Variants in CMIP observed in about 807,000 individuals in gnomAD.
CMIP encodes the protein c-Maf inducing protein.
A neutral mutation model predicts 97.3 loss-of-function variants in CMIP; 13 were observed. The ratio of observed to expected loss-of-function variants is 0.13; its 90% CI spans 0.09 to 0.21. CMIP has a LOEUF of 0.21. Ranked by LOEUF, CMIP falls within the 10% of genes least tolerant of loss-of-function variation. The pLI is 1.00. For missense variants in CMIP, 847 were observed against 1,024.9 expected (o/e 0.83, Z 2.37); for synonymous variants, 538 against 436.3 (o/e 1.23, Z -2.91).
chr16:81,516,777 G>A (rs1265446113), intron 1 of CMIP, among the ~76,000 whole-genome samples: 1 of 152,238 alleles, frequency 6.6e-6, no homozygotes, highest in Non-Finnish European at 1.5e-5. Context: ...AAGCATCTAG[G>A]CATCTGTCCT....
intron 2 of CMIP, among the ~76,000 whole-genome samples, chr16:81,617,730 C>G (rs1270681029): frequency 6.6e-6 from 1 of 152,218 alleles, no homozygotes; most frequent in African/African-American, 2.4e-5. Context: ...GCTCACCTAG[C>G]TGTGGAATCA....
At chr16:81,522,738 G>A (rs1423618956) in intron 1 of CMIP, among the ~76,000 whole-genome samples, 3 of 152,020 alleles carry the variant, frequency 2.0e-5, no homozygotes, top group Admixed American at 1.3e-4. Context: ...TCTTTGCTTT[G>A]CCTTTTTTTT....
Position 81,468,135 on chromosome 16 carries a change from C to T in CMIP, c.300+22594C>T, listed in dbSNP as rs568681728. ...CTTTGAAATGCACGATCAGGGGCAA[C>T]CTTTTGGGTAGCTTTTTGGAGCCCA... On this transcript the variant is annotated intron_variant, in intron 1 of 20. Coordinates refer to ENST00000537098, the MANE Select transcript of CMIP (RefSeq NM_198390.3). 2.0e-5 allele frequency among the ~76,000 whole-genome samples: 3 copies of T among 152,234 alleles called. No individual in the cohort carries two copies. In the East Asian group the frequency reaches 5.8e-4, roughly 29 times the overall value.
chr16:81,645,397 A>T, intron 3 of CMIP: 1 of 1,468,342 alleles, frequency 6.8e-7, no homozygotes, highest in South Asian at 1.4e-5. Context: ...GCAGCAGCAG[A>T]GCAGCAGAGC....
At chr16:81,569,277 C>G (rs1194430292) in intron 1 of CMIP, among the ~76,000 whole-genome samples, 1 of 152,148 alleles carries the variant, frequency 6.6e-6, no homozygotes, top group Non-Finnish European at 1.5e-5. Context: ...TCTGGGGGTT[C>G]CATTGTTCCA....
intron 1 of CMIP, among the ~76,000 whole-genome samples, chr16:81,467,670 T>G (rs866664635): frequency 6.6e-6 from 1 of 151,460 alleles, no homozygotes; most frequent in Admixed American, 6.6e-5. Flanking sequence ...AACCTCCGCC[T>G]TCCAGGTTCA....
rs958347886 is a variant in CMIP, at chr16:81,449,069, C to T, written c.300+3528C>T. Among the ~76,000 whole-genome samples the T allele has an allele frequency of 4.6e-5, 7 of 152,340 alleles. No homozygotes were observed. The East Asian group carries it at 7.7e-4, about 17-fold the overall frequency. Reference sequence around the variant, plus strand: ...TGATCACCTGCTAGGCATGTTTGTCCGTGGGCAGAGGGCTTTGTCTGTAGG... The same window carrying T: ...TGATCACCTGCTAGGCATGTTTGTCTGTGGGCAGAGGGCTTTGTCTGTAGG... On this transcript the variant is annotated intron_variant, in intron 1 of 20. Transcript: ENST00000537098.
At chr16:81,466,593 T>G (rs1402263618) in intron 1 of CMIP, among the ~76,000 whole-genome samples, 1 of 152,210 alleles carries the variant, frequency 6.6e-6, no homozygotes, top group African/African-American at 2.4e-5. Context: ...CAGGAAGCAC[T>G]TCTTATTGGT....
At chr16:81,687,943 G>T (rs1597251534) in intron 10 of CMIP, among the ~76,000 whole-genome samples, 1 of 152,202 alleles carries the variant, frequency 6.6e-6, no homozygotes, top group African/African-American at 2.4e-5. Flanking sequence ...TCCGTAATTT[G>T]GACTCAGCAC....
intron 6 of CMIP, 131 bp from the exon 7 acceptor site, chr16:81,664,138 G>T (rs2092577865): frequency 4.1e-6 from 3 of 732,092 alleles, no homozygotes; most frequent in Admixed American, 2.9e-5. Context: ...TTAGAAAGCA[G>T]TGCAGCCGTG....
intron 1 of CMIP, among the ~76,000 whole-genome samples, chr16:81,589,232 G>T (rs1385040223): frequency 6.6e-6 from 1 of 152,064 alleles, no homozygotes; most frequent in Non-Finnish European, 1.5e-5. Context: ...AAGTAGCTGG[G>T]ACTACAGGCG....
chr16:81,699,831 G>A (rs777862480), intron 15 of CMIP, 30 bp downstream of exon 15: 2 of 1,486,774 alleles, frequency 1.3e-6, no homozygotes, highest in Non-Finnish European at 1.9e-6. Context: ...CCCTGGTGGG[G>A]TGGCTGGCTC....
intron 16 of CMIP, among the ~76,000 whole-genome samples, chr16:81,702,043 A>G (rs1907476749): frequency 6.6e-6 from 1 of 152,174 alleles, no homozygotes; most frequent in Non-Finnish European, 1.5e-5. Context: ...TCCCTCCTCC[A>G]TGTCCCTTAG....
At chr16:81,553,596 G>T (rs1396764413) in intron 1 of CMIP, among the ~76,000 whole-genome samples, 1 of 152,252 alleles carries the variant, frequency 6.6e-6, no homozygotes, top group Non-Finnish European at 1.5e-5. Flanking sequence ...TGGGGAGGGT[G>T]CTCAGGCCAA....
intron 1 of CMIP, among the ~76,000 whole-genome samples, chr16:81,569,040 C>G (rs1256684428): frequency 6.6e-6 from 1 of 152,212 alleles, no homozygotes; most frequent in Non-Finnish European, 1.5e-5. Context: ...ACCTGGAGAA[C>G]TCGCAGAGGT....
At chr16:81,557,466 C>G (rs937949578) in intron 1 of CMIP, among the ~76,000 whole-genome samples, 1 of 152,116 alleles carries the variant, frequency 6.6e-6, no homozygotes, top group Non-Finnish European at 1.5e-5. Context: ...GTATGTATTA[C>G]ATATTTATGG....
In CMIP at chr16:81,530,922, C is replaced by T. The variant is rs146670557; in HGVS notation, c.301-76645C>T. 2.8e-3 allele frequency among the ~76,000 whole-genome samples: 419 copies of T among 152,320 alleles called. 2 individuals carry two copies. Among genetic ancestry groups the T allele is most frequent in the Non-Finnish European group, 2.7e-3 (185 of 68,028 alleles). On this transcript the variant is annotated intron_variant, in intron 1 of 20. Transcript: ENST00000537098. ...GCGAGCCCTGAGTACTCAGCCCACCCGCCCTTCTCCTGCTGAACTGTCGAA... is the reference window on the plus strand; with the variant it reads ...GCGAGCCCTGAGTACTCAGCCCACCTGCCCTTCTCCTGCTGAACTGTCGAA...
intron 1 of CMIP, among the ~76,000 whole-genome samples, chr16:81,446,322 G>A (rs1462544544): frequency 1.3e-5 from 2 of 152,066 alleles, no homozygotes; most frequent in African/African-American, 4.8e-5. Context: ...GGTAGGACTG[G>A]GTCAGCTGGA....
At chr16:81,474,099 C>T (rs1907732924) in intron 1 of CMIP, among the ~76,000 whole-genome samples, 1 of 152,106 alleles carries the variant, frequency 6.6e-6, no homozygotes, top group Non-Finnish European at 1.5e-5. Context: ...GCCCATGTTC[C>T]TGTGTGGCCA....
Sources: allele counts gnomAD v4.1 joint callset (sites outside exome capture counted in the v4.1 genomes callset), GRCh38; gene constraint gnomAD v4.1.1; transcripts MANE v1.5; gene names NCBI Gene and HGNC (gene_info 2026-07-23, HGNC 2026-07-21).